The following TBC1D22A variants were observed in gnomAD, a reference collection of about 807,000 sequenced individuals.
TBC1D22A encodes TBC1 domain family member 22A, also known as putative GTPase activator.
A neutral mutation model predicts 60.2 loss-of-function variants in TBC1D22A; 38 were observed. The ratio of observed to expected loss-of-function variants is 0.63; its 90% CI spans 0.49 to 0.83. The LOEUF (loss-of-function observed/expected upper bound fraction) is 0.83, where lower values mean the gene tolerates loss of function less well. TBC1D22A is among the 40% of genes least tolerant of loss of function. TBC1D22A has a pLI of 0.00. For synonymous variants in TBC1D22A, 302 were observed against 281.7 expected (o/e 1.07, Z -0.72); for missense variants, 628 against 701.0 (o/e 0.90, Z 1.18).
intron 9 of TBC1D22A, among the ~76,000 whole-genome samples, chr22:46,994,066 A>G (rs1018865984): frequency 3.3e-5 from 5 of 151,792 alleles, no homozygotes; most frequent in Non-Finnish European, 5.9e-5. Context: ...AAATGCAAAC[A>G]TTTTCTCTTT....
intron 11 of TBC1D22A, among the ~76,000 whole-genome samples, chr22:47,089,798 G>A (rs980719193): frequency 6.6e-6 from 1 of 152,218 alleles, no homozygotes; most frequent in African/African-American, 2.4e-5. Flanking sequence ...TTGGGTGAAT[G>A]TGGATTCTTT....
chr22:47,055,908 C>CACTGAGGGTCAGTGAGATACGCT (rs2063378991), intron 11 of TBC1D22A, among the ~76,000 whole-genome samples: 2 of 151,846 alleles, frequency 1.3e-5, no homozygotes, highest in African/African-American at 2.4e-5. Context: ...TGAGATACGC[C>CACTGAGGGTCAGTGAGATACGCT]ACTGAGGGTT....
chr22:47,096,317 T>C (rs4823591), intron 11 of TBC1D22A, among the ~76,000 whole-genome samples: 75,541 of 151,992 alleles, frequency 0.5, 19,647 homozygotes, highest in African/African-American at 0.62. Flanking sequence ...TCTCACCTGA[T>C]CCACTGCGCT....
intron 10 of TBC1D22A, among the ~76,000 whole-genome samples, chr22:47,018,916 C>T (rs1304796697): frequency 6.6e-6 from 1 of 152,104 alleles, no homozygotes; most frequent in Non-Finnish European, 1.5e-5. Flanking sequence ...TCCTTCCCCT[C>T]ATCCTCCTCC....
intron 4 of TBC1D22A, among the ~76,000 whole-genome samples, chr22:46,824,392 G>T: frequency 6.6e-6 from 1 of 152,328 alleles, no homozygotes; most frequent in East Asian, 1.9e-4. Flanking sequence ...CTAAGGAGGG[G>T]TGTGTGGGGA....
intron 12 of TBC1D22A, among the ~76,000 whole-genome samples, chr22:47,156,809 A>G (rs1353604891): frequency 2.0e-5 from 3 of 152,070 alleles, no homozygotes; most frequent in Non-Finnish European, 4.4e-5. Flanking sequence ...CTCAGCTGCT[A>G]CCCGGGAGCC....
Position 46,777,153 on chromosome 22 carries a change from G to C in TBC1D22A, c.62+14305G>C, listed in dbSNP as rs2083740239. Among the ~76,000 whole-genome samples, 1 of 152,096 alleles carries C rather than the reference G, an allele frequency of 6.6e-6. No individual in the cohort carries two copies. The highest frequency in any genetic ancestry group is 1.5e-5 in the Non-Finnish European group (1 of 68,012). On this transcript the variant is annotated intron_variant, in intron 1 of 12. Transcript: ENST00000337137. This position sits in a 1 kb window ranked among gnomAD's most constrained non-coding sequence, Gnocchi z 4.5. Reference sequence around the variant, plus strand: ...GACGAGGCTGACCCTCCTGTTGGTGGATGGCAGTTCTGGAGGTGGTCACAG... The same window carrying C: ...GACGAGGCTGACCCTCCTGTTGGTGCATGGCAGTTCTGGAGGTGGTCACAG...
At chr22:47,055,523 A>G (rs1444514385) in intron 11 of TBC1D22A, among the ~76,000 whole-genome samples, 1 of 152,212 alleles carries the variant, frequency 6.6e-6, no homozygotes, top group African/African-American at 2.4e-5. Flanking sequence ...TATACAGCAA[A>G]GATCGATAAG....
At chr22:47,036,599 C>T (rs777773436) in intron 10 of TBC1D22A, among the ~76,000 whole-genome samples, 8 of 152,182 alleles carry the variant, frequency 5.3e-5, no homozygotes, top group Non-Finnish European at 1.2e-4. Context: ...CTTGCGCACT[C>T]AACGGTTGGG....
intron 12 of TBC1D22A, among the ~76,000 whole-genome samples, chr22:47,119,658 G>A (rs546687788): frequency 1.3e-5 from 2 of 152,110 alleles, no homozygotes; most frequent in South Asian, 2.1e-4. Flanking sequence ...CAGCACGCCC[G>A]GCTAATTTTT....
chr22:47,044,544 G>A (rs908956822), intron 11 of TBC1D22A, among the ~76,000 whole-genome samples: 14 of 152,204 alleles, frequency 9.2e-5, no homozygotes, highest in African/African-American at 2.4e-4. Flanking sequence ...ACTGATGATC[G>A]GGTTAACCTA....
intron 10 of TBC1D22A, among the ~76,000 whole-genome samples, chr22:47,022,889 T>A (rs1379669553): frequency 2.0e-5 from 3 of 152,190 alleles, no homozygotes; most frequent in Admixed American, 6.5e-5. Flanking sequence ...CCAAATGACT[T>A]AATTGCATCC....
intron 11 of TBC1D22A, among the ~76,000 whole-genome samples, chr22:47,072,075 G>T (rs1603234187): frequency 6.9e-6 from 1 of 145,116 alleles, no homozygotes; most frequent in African/African-American, 2.7e-5. Context: ...CTCAGATGCG[G>T]TTTTCTCTAG....
Position 47,108,471 on chromosome 22 carries a change from C to T in TBC1D22A, c.1330-3037C>T, listed in dbSNP as rs531128225. ...AACCAAATGTGTATTATATGATTCC[C>T]TTTATTTGAAAATATTGGAAATGTA... On this transcript the variant is annotated intron_variant, in intron 11 of 12. Transcript: ENST00000337137. Among the ~76,000 whole-genome samples, 6 of 152,286 alleles carry T rather than the reference C, an allele frequency of 3.9e-5. No individual in the cohort carries two copies. In the South Asian group the frequency reaches 1.2e-3, roughly 32 times the overall value.
intron 4 of TBC1D22A, among the ~76,000 whole-genome samples, chr22:46,839,350 C>G (rs1480939277): frequency 6.6e-6 from 1 of 151,694 alleles, no homozygotes; most frequent in East Asian, 1.9e-4. Context: ...CTCTGTCACC[C>G]AGGCTGGAGT....
chr22:46,763,394 G>GTTTTTTTTTTTTT, intron 1 of TBC1D22A: 1 of 66,624 alleles, frequency 1.5e-5, no homozygotes, highest in Non-Finnish European at 2.6e-5. Flanking sequence ...TTAGCAGGAA[G>GTTTTTTTTTTTTT]TTTTTTTTTT....
At position 47,080,630 on chromosome 22, in the gene TBC1D22A, T is replaced by A. The variant is rs535508857; in HGVS notation, c.1330-30878T>A. Among the ~76,000 whole-genome samples, 406 of 151,302 alleles carry A rather than the reference T, an allele frequency of 2.7e-3. 4 individuals are homozygous for A. The highest frequency in any genetic ancestry group is 8.5e-3 in the African/African-American group (349 of 41,228). ...CTAACCATATACCTGTAAAAATATA[T>A]ATATATATATATGAATGAAAAGAAG... On this transcript the variant is annotated intron_variant, in intron 11 of 12. Transcript: ENST00000337137.
chr22:47,149,894 G>GTC (rs2067435716), intron 12 of TBC1D22A, among the ~76,000 whole-genome samples: 1 of 152,108 alleles, frequency 6.6e-6, no homozygotes, highest in Non-Finnish European at 1.5e-5. Flanking sequence ...CTCATCTCTG[G>GTC]TCTCTCTGGG....
At chr22:46,763,422 T>G (rs2146641464) in intron 1 of TBC1D22A, 1 of 135,810 alleles carries the variant, frequency 7.4e-6, no homozygotes, top group East Asian at 2.1e-4. Flanking sequence ...TTTTTTTTTT[T>G]TTTTTTCTTC....
Sources: allele counts gnomAD v4.1 joint callset (sites outside exome capture counted in the v4.1 genomes callset), GRCh38; gene constraint gnomAD v4.1.1; non-coding constraint Gnocchi (gnomAD v3.1); transcripts MANE v1.5; gene names NCBI Gene and HGNC (gene_info 2026-07-23, HGNC 2026-07-21).